Variants in RAB4A observed in about 807,000 individuals in gnomAD.
RAB4A encodes the protein RAB4A, member RAS oncogene family, also known as ras-related protein Rab-4A.
In RAB4A, 20 loss-of-function variants were observed where a neutral mutation model predicts 34.5. That is an observed-to-expected ratio of 0.58 (90% CI 0.41 to 0.84). The LOEUF (loss-of-function observed/expected upper bound fraction) is 0.84. Ranked by LOEUF, RAB4A falls within the 40% of genes least tolerant of loss-of-function variation. RAB4A has a pLI of 0.00. For synonymous variants in RAB4A, 102 were observed against 100.0 expected (o/e 1.02, Z -0.12); for missense variants, 228 against 274.5 (o/e 0.83, Z 1.20).
intron 1 of RAB4A, among the ~76,000 whole-genome samples, chr1:229,284,187 C>T (rs1011938602): frequency 2.0e-5 from 3 of 148,854 alleles, no homozygotes; most frequent in African/African-American, 7.5e-5. Flanking sequence ...GCAACCTCCA[C>T]CTCCCAGGTT....
At position 229,286,584 on chromosome 1, in the gene RAB4A, A is replaced by C; in HGVS notation, c.112+18A>C. The C allele has an allele frequency of 6.7e-7, 1 of 1,483,338 alleles. No homozygotes were observed. The highest frequency in any genetic ancestry group is 9.2e-7 in the Non-Finnish European group (1 of 1,085,458). 91.9% of individuals were successfully genotyped at this position (1,483,338 alleles called of 1,614,324 possible). On this transcript the variant is annotated intron_variant, in intron 2 of 7. Transcript: ENST00000366690. ...AAAAAAATGTAAGTGTCATGAAATT[A>C]GTCATTCTTCCGTGCATGTCTTCTG...
intron 1 of RAB4A, among the ~76,000 whole-genome samples, chr1:229,277,581 T>C (rs985373362): frequency 6.6e-6 from 1 of 151,434 alleles, no homozygotes; most frequent in Admixed American, 6.6e-5. Context: ...CTGATGACCC[T>C]GGGGATAGTC....
intron 3 of RAB4A, among the ~76,000 whole-genome samples, chr1:229,295,215 G>A (rs904609238): frequency 2.0e-5 from 3 of 152,040 alleles, no homozygotes; most frequent in African/African-American, 7.2e-5. Flanking sequence ...GCCTCCTAAA[G>A]TGCTGGGATT....
At chr1:229,281,909 T>C (rs1656789424) in intron 1 of RAB4A, among the ~76,000 whole-genome samples, 1 of 150,920 alleles carries the variant, frequency 6.6e-6, no homozygotes, top group Non-Finnish European at 1.5e-5. Context: ...ATATTTCCTT[T>C]ACATATTTTA....
At chr1:229,280,439 G>A (rs1217807178) in intron 1 of RAB4A, among the ~76,000 whole-genome samples, 2 of 152,212 alleles carry the variant, frequency 1.3e-5, no homozygotes, top group South Asian at 2.1e-4. Context: ...CAGCTCAGCT[G>A]CTTATCTGCT....
intron 1 of RAB4A, among the ~76,000 whole-genome samples, chr1:229,283,110 A>T (rs1169903083): frequency 1.3e-5 from 2 of 152,252 alleles, no homozygotes; most frequent in East Asian, 3.9e-4. Flanking sequence ...CACTGCCATC[A>T]TGTCTAGATT....
intron 5 of RAB4A, among the ~76,000 whole-genome samples, chr1:229,298,246 A>G (rs1397812881): frequency 6.6e-6 from 1 of 152,230 alleles, no homozygotes. Context: ...TTGGACTCTA[A>G]GATTCCAAAT....
chr1:229,274,803 C>A (rs956918034), intron 1 of RAB4A, among the ~76,000 whole-genome samples: 1 of 152,120 alleles, frequency 6.6e-6, no homozygotes, highest in East Asian at 1.9e-4. Context: ...TGGGGCAGTT[C>A]GAGAGTGAGG....
chr1:229,293,504 G>A (rs1036933099), intron 3 of RAB4A, among the ~76,000 whole-genome samples: 1 of 152,206 alleles, frequency 6.6e-6, no homozygotes, highest in South Asian at 2.1e-4. Context: ...TTGGGCCTCT[G>A]TGCCAGGAAC....
intron 6 of RAB4A, among the ~76,000 whole-genome samples, chr1:229,302,260 T>C (rs1657402399): frequency 8.5e-5 from 1 of 11,794 alleles, no homozygotes; most frequent in Admixed American, 1.2e-3. Flanking sequence ...TAAATAATTA[T>C]ATATATATAT....
At chr1:229,299,493 C>T (rs1455323358) in intron 6 of RAB4A, among the ~76,000 whole-genome samples, 3 of 152,146 alleles carry the variant, frequency 2.0e-5, no homozygotes, top group Admixed American at 6.5e-5. Context: ...TGTTGCAGAT[C>T]GGGCATCATG....
intron 1 of RAB4A, among the ~76,000 whole-genome samples, chr1:229,279,108 C>A (rs941247041): frequency 7.2e-5 from 11 of 152,154 alleles, no homozygotes; most frequent in African/African-American, 2.7e-4. Context: ...AAGAAGGAAA[C>A]CTTCTTTAAA....
chr1:229,285,469 G>A (rs1211301275), intron 1 of RAB4A, among the ~76,000 whole-genome samples: 1 of 152,192 alleles, frequency 6.6e-6, no homozygotes, highest in African/African-American at 2.4e-5. Flanking sequence ...CATCAGTAAA[G>A]GAACACACTC....
In RAB4A at chr1:229,303,871, A is replaced by G. The variant is rs964699074; in HGVS notation, c.*78A>G. On this transcript the variant is annotated 3_prime_UTR_variant, in exon 8 of 8. Coordinates refer to ENST00000366690, the MANE Select transcript of RAB4A (RefSeq NM_004578.4). ...TGAAGAATCTGAAGTTTTTTTTACC[A>G]CCATCTTTTTCTACTCTGTATGGAA... is the stretch of plus-strand genomic sequence containing the variant. 1 of 152,164 alleles carries G rather than the reference A, an allele frequency of 6.6e-6. No individual in the cohort carries two copies. The highest frequency in any genetic ancestry group is 2.4e-5 in the African/African-American group (1 of 41,430). 9.4% of individuals were successfully genotyped at this position (152,164 alleles called of 1,614,324 possible). A position where few individuals can be genotyped will look rare whatever the true frequency, so the allele number is the denominator to read the frequency against.
chr1:229,302,326 A>T (rs1244288477), intron 6 of RAB4A, among the ~76,000 whole-genome samples: 27 of 47,876 alleles, frequency 5.6e-4, no homozygotes, highest in African/African-American at 1.3e-3. Flanking sequence ...TTTTTTTTTT[A>T]CATGTGCATG....
intron 1 of RAB4A, among the ~76,000 whole-genome samples, chr1:229,280,120 AG>A (rs1656746222): frequency 6.6e-6 from 1 of 152,230 alleles, no homozygotes; most frequent in African/African-American, 2.4e-5. Flanking sequence ...GCAAGGAAAA[AG>A]AAAAAACCAC....
chr1:229,297,377 A>G, intron 4 of RAB4A, 105 bp from the exon 5 acceptor site: 4 of 1,183,912 alleles, frequency 3.4e-6, no homozygotes, highest in Non-Finnish European at 4.7e-6. Flanking sequence ...TGTTGGTGCC[A>G]TTACCCTGAA....
At chr1:229,284,707 AT>A (rs1558236702) in intron 1 of RAB4A, among the ~76,000 whole-genome samples, 2 of 151,320 alleles carry the variant, frequency 1.3e-5, no homozygotes, top group African/African-American at 4.9e-5. Flanking sequence ...ATTTATCCTT[AT>A]TTATTCTTCT....
At chr1:229,274,920 T>C (rs1656602072) in intron 1 of RAB4A, among the ~76,000 whole-genome samples, 1 of 152,250 alleles carries the variant, frequency 6.6e-6, no homozygotes, top group Admixed American at 6.5e-5. Flanking sequence ...TCTATGCTCA[T>C]TTTTATTAAA....
Sources: allele counts gnomAD v4.1 joint callset (sites outside exome capture counted in the v4.1 genomes callset), GRCh38; gene constraint gnomAD v4.1.1; transcripts MANE v1.5; gene names NCBI Gene and HGNC (gene_info 2026-07-23, HGNC 2026-07-21).